The following KCTD1 variants were observed in gnomAD, a reference collection of about 807,000 sequenced individuals.
KCTD1 encodes the protein BTB/POZ domain-containing protein KCTD1.
In KCTD1, 24 loss-of-function variants were observed where a neutral mutation model predicts 66.0. That is an observed-to-expected ratio of 0.36 (90% confidence interval 0.26 to 0.51). The LOEUF (loss-of-function observed/expected upper bound fraction) is 0.51, where lower values mean the gene tolerates loss of function less well. Ranked by LOEUF, KCTD1 falls within the 20% of genes least tolerant of loss-of-function variation. The probability of loss-of-function intolerance (pLI) is 0.95; values close to 1 mark genes in which losing one functional copy is unlikely to be tolerated. For synonymous variants in KCTD1, 511 were observed against 517.2 expected (o/e 0.99, Z 0.16); for missense variants, 943 against 1,205.2 (o/e 0.78, Z 3.22).
At chr18:26,600,642 G>A (rs1986872399) in intron 1 of KCTD1, among the ~76,000 whole-genome samples, 1 of 151,982 alleles carries the variant, frequency 6.6e-6, no homozygotes, top group Non-Finnish European at 1.5e-5. Flanking sequence ...TTAAAATGCT[G>A]ACCAGAACAC....
chr18:26,561,704 G>T (rs1315998060), intron 1 of KCTD1, among the ~76,000 whole-genome samples: 1 of 152,176 alleles, frequency 6.6e-6, no homozygotes, highest in Non-Finnish European at 1.5e-5. Flanking sequence ...CAACTATAAG[G>T]GATGTGCCCA....
At chr18:26,490,080 C>A (rs76221833) in intron 2 of KCTD1, among the ~76,000 whole-genome samples, 1 of 152,102 alleles carries the variant, frequency 6.6e-6, no homozygotes, top group Non-Finnish European at 1.5e-5. Flanking sequence ...TTGTCCCAAG[C>A]GATGTGGATT....
intron 1 of KCTD1, among the ~76,000 whole-genome samples, chr18:26,579,451 T>C (rs1206439149): frequency 6.6e-6 from 1 of 152,118 alleles, no homozygotes; most frequent in Non-Finnish European, 1.5e-5. Flanking sequence ...AAAACGAAAA[T>C]TGTAAATTTT....
chr18:26,599,329 C>T (rs1986837419), intron 1 of KCTD1: 12 of 1,330,578 alleles, frequency 9.0e-6, no homozygotes, highest in Middle Eastern at 2.6e-4. Flanking sequence ...GGGGAGAAGC[C>T]GGGAGCGAGC....
At chr18:26,603,050 G>A (rs1161627058) in intron 1 of KCTD1, among the ~76,000 whole-genome samples, 1 of 152,104 alleles carries the variant, frequency 6.6e-6, no homozygotes, top group Non-Finnish European at 1.5e-5. Flanking sequence ...TAAATGGTGT[G>A]GGAGAACTGG....
intron 1 of KCTD1, among the ~76,000 whole-genome samples, chr18:26,560,796 C>G (rs1985828797): frequency 6.6e-6 from 1 of 152,210 alleles, no homozygotes; most frequent in Non-Finnish European, 1.5e-5. Flanking sequence ...TAAGAAACAA[C>G]CACGTGGGTG....
At chr18:26,485,763 T>C (rs1981885413) in intron 2 of KCTD1, among the ~76,000 whole-genome samples, 1 of 152,146 alleles carries the variant, frequency 6.6e-6, no homozygotes, top group African/African-American at 2.4e-5. Context: ...CACTGTTCTA[T>C]ATTTGGAGGT....
At chr18:26,535,094 A>C (rs2144789060) in intron 1 of KCTD1, among the ~76,000 whole-genome samples, 1 of 77,412 alleles carries the variant, frequency 1.3e-5, no homozygotes, top group African/African-American at 4.7e-5. Flanking sequence ...TCATGGAGGG[A>C]AAGGCCTGGG....
At chr18:26,623,191 G>A (rs1342981372) in intron 1 of KCTD1, among the ~76,000 whole-genome samples, 1 of 152,052 alleles carries the variant, frequency 6.6e-6, no homozygotes, top group African/African-American at 2.4e-5. Context: ...TTCTCACTAA[G>A]TCTGCAAACT....
upstream of KCTD1, among the ~76,000 whole-genome samples, chr18:26,644,565 C>T (rs763051561): frequency 1.3e-5 from 2 of 152,016 alleles, no homozygotes; most frequent in African/African-American, 2.4e-5. Context: ...TCGAGACCAG[C>T]CTGGCCAAAT....
At chr18:26,559,235 A>T (rs1985787209) in intron 1 of KCTD1, among the ~76,000 whole-genome samples, 1 of 152,242 alleles carries the variant, frequency 6.6e-6, no homozygotes, top group Non-Finnish European at 1.5e-5. Flanking sequence ...TGTATATTTT[A>T]AAATAACTAA....
chr18:26,549,500 A>G (rs1417075648), upstream of KCTD1: 5 of 967,836 alleles, frequency 5.2e-6, no homozygotes, highest in East Asian at 5.8e-4. Context: ...AGACGAGGGA[A>G]GAGGCGCTTG....
intron 1 of KCTD1, among the ~76,000 whole-genome samples, chr18:26,619,665 G>T (rs1256465841): frequency 4.6e-5 from 7 of 152,208 alleles, no homozygotes; most frequent in Admixed American, 4.6e-4. Context: ...CTGGGCAATG[G>T]GACCTGAGGA....
chr18:26,656,515 G>A (rs1988145583), intron 1 of KCTD1, among the ~76,000 whole-genome samples: 1 of 152,022 alleles, frequency 6.6e-6, no homozygotes, highest in African/African-American at 2.4e-5. Context: ...GGTGGGCGGA[G>A]GCGGCGAATC....
intron 1 of KCTD1, among the ~76,000 whole-genome samples, chr18:26,563,320 C>T (rs1019963370): frequency 3.9e-5 from 6 of 152,176 alleles, no homozygotes; most frequent in Non-Finnish European, 8.8e-5. Context: ...TTTGTCTTCC[C>T]TGAAAACCAA....
At chr18:26,657,389 C>T in exon 1 of KCTD1, 1 of 985,692 alleles carries the variant, frequency 1.0e-6, no homozygotes, top group Non-Finnish European at 1.2e-6. Context: ...AGTCTCTCTC[C>T]AAGTCCCCTT....
intron 3 of KCTD1, among the ~76,000 whole-genome samples, chr18:26,472,570 GA>G (rs1196929166): frequency 6.6e-6 from 1 of 152,114 alleles, no homozygotes; most frequent in African/African-American, 2.4e-5. Flanking sequence ...AGGAAAATAT[GA>G]GAGAGTAAGA....
At chr18:26,585,169 C>T (rs556689277) in intron 1 of KCTD1, among the ~76,000 whole-genome samples, 1 of 152,284 alleles carries the variant, frequency 6.6e-6, no homozygotes, top group East Asian at 1.9e-4. Context: ...AACTGCCCCA[C>T]CTGTGTAGCC....
chr18:26,483,025 A>T (rs984677122), intron 2 of KCTD1, among the ~76,000 whole-genome samples: 5 of 152,206 alleles, frequency 3.3e-5, no homozygotes, highest in African/African-American at 1.2e-4. Flanking sequence ...CTTTAGGAAA[A>T]GATTTCATTT....
Sources: gnomAD v4.1 joint callset for allele counts (sites outside exome capture counted in the v4.1 genomes callset) on GRCh38, gnomAD v4.1.1 for gene constraint, MANE v1.5 for transcripts, NCBI Gene and HGNC (gene_info 2026-07-23, HGNC 2026-07-21) for gene names.